The following ZNF385B variants were observed in gnomAD, a reference collection of about 807,000 sequenced individuals.
ZNF385B encodes zinc finger protein 385B.
A neutral mutation model predicts 39.2 loss-of-function variants in ZNF385B; 23 were observed. That is an observed-to-expected ratio of 0.59 (90% CI 0.42 to 0.83). ZNF385B has a LOEUF of 0.83. Among genes scored for constraint, ZNF385B ranks in the 40% least tolerant of loss-of-function variants. The pLI, the probability that ZNF385B is intolerant of heterozygous loss-of-function variation, is 0.00. For synonymous variants in ZNF385B, 205 were observed against 222.6 expected, an observed-to-expected ratio of 0.92 and a Z score of 0.70; for missense variants, 552 against 598.9, an observed-to-expected ratio of 0.92 and a Z score of 0.82.
intron 4 of ZNF385B, among the ~76,000 whole-genome samples, chr2:179,544,458 T>C (rs989869936): frequency 6.6e-6 from 1 of 152,156 alleles, no homozygotes; most frequent in Non-Finnish European, 1.5e-5. Context: ...CATTTTTTTT[T>C]TTCTAAGAGA....
chr2:179,722,622 G>A (rs1369648297), intron 3 of ZNF385B, among the ~76,000 whole-genome samples: 2 of 152,046 alleles, frequency 1.3e-5, no homozygotes, highest in Non-Finnish European at 2.9e-5. Flanking sequence ...TATAGCAATT[G>A]TAGATTAATA....
chr2:179,621,442 CA>C (rs1284502098), intron 3 of ZNF385B, among the ~76,000 whole-genome samples: 1 of 152,180 alleles, frequency 6.6e-6, no homozygotes, highest in Non-Finnish European at 1.5e-5. Flanking sequence ...TAAATGTTAA[CA>C]ACAAAGTATT....
At chr2:179,614,192 C>T (rs79273636) in intron 3 of ZNF385B, among the ~76,000 whole-genome samples, 4 of 152,246 alleles carry the variant, frequency 2.6e-5, no homozygotes, top group East Asian at 1.9e-4. Context: ...GATCACTCCC[C>T]GGATTTTTTG....
chr2:179,519,547 A>G (rs1203301125), intron 4 of ZNF385B, among the ~76,000 whole-genome samples: 6 of 152,224 alleles, frequency 3.9e-5, no homozygotes, highest in Admixed American at 6.5e-5. Context: ...TCCAACAGAA[A>G]AAGTATGGCA....
chr2:179,460,848 C>T (rs1320584556), intron 6 of ZNF385B, among the ~76,000 whole-genome samples: 1 of 152,136 alleles, frequency 6.6e-6, no homozygotes, highest in Non-Finnish European at 1.5e-5. Context: ...AAAACTCTAA[C>T]CTCCAAGCTT....
chr2:179,613,039 C>T (rs1367607771), intron 3 of ZNF385B, among the ~76,000 whole-genome samples: 5 of 152,206 alleles, frequency 3.3e-5, no homozygotes, highest in African/African-American at 9.6e-5. Context: ...CAACAAGTAT[C>T]GGCTGGCTAC....
chr2:179,509,976 C>G (rs1019171755), intron 5 of ZNF385B, among the ~76,000 whole-genome samples: 1 of 152,136 alleles, frequency 6.6e-6, no homozygotes, highest in Non-Finnish European at 1.5e-5. Flanking sequence ...ACTTCCTTGG[C>G]TTATTTAGGT....
intron 3 of ZNF385B, among the ~76,000 whole-genome samples, chr2:179,686,285 G>A (rs1697920691): frequency 6.6e-6 from 1 of 152,210 alleles, no homozygotes; most frequent in African/African-American, 2.4e-5. Context: ...GTGTCACTGA[G>A]CTGTGGTCTT....
At chr2:179,732,514 T>C (rs185442349) in intron 3 of ZNF385B, among the ~76,000 whole-genome samples, 1 of 152,300 alleles carries the variant, frequency 6.6e-6, no homozygotes, top group South Asian at 2.1e-4. Flanking sequence ...AGCTAGATAA[T>C]CAATAGTCAG....
chr2:179,739,763 G>A (rs930235300), intron 3 of ZNF385B, among the ~76,000 whole-genome samples: 14 of 152,050 alleles, frequency 9.2e-5, no homozygotes, highest in African/African-American at 3.4e-4. Context: ...TGTAGCTGAA[G>A]CAAGTGATAA....
At chr2:179,792,375 C>CTTTTTTTTTTTTTTTTTTTTTT (rs374147864) in intron 1 of ZNF385B, among the ~76,000 whole-genome samples, 3 of 124,106 alleles carry the variant, frequency 2.4e-5, no homozygotes, top group Non-Finnish European at 3.3e-5. Flanking sequence ...ATTTTCTTTT[C>CTTTTTTTTTTTTTTTTTTTTTT]TTTTTTTTTT....
chr2:179,677,932 A>T (rs1697069815), intron 3 of ZNF385B, among the ~76,000 whole-genome samples: 1 of 152,190 alleles, frequency 6.6e-6, no homozygotes, highest in Non-Finnish European at 1.5e-5. Context: ...ATTGTGTAAT[A>T]ATCTGAGCAG....
chr2:179,649,595 C>G (rs1025077705), intron 3 of ZNF385B, among the ~76,000 whole-genome samples: 4 of 151,930 alleles, frequency 2.6e-5, no homozygotes, highest in Admixed American at 6.6e-5. Context: ...AGATGATACA[C>G]CAGATATAGT....
At chr2:179,836,135 G>A (rs936821549) in intron 1 of ZNF385B, among the ~76,000 whole-genome samples, 20 of 152,190 alleles carry the variant, frequency 1.3e-4, no homozygotes, top group Non-Finnish European at 2.1e-4. Flanking sequence ...TTCCACTTAC[G>A]TGAGGTTTCT....
At chr2:179,583,551 G>C (rs1352144542) in intron 3 of ZNF385B, among the ~76,000 whole-genome samples, 1 of 152,058 alleles carries the variant, frequency 6.6e-6, no homozygotes, top group African/African-American at 2.4e-5. Flanking sequence ...AGGGTTATAT[G>C]GCTCAGTTTT....
intron 1 of ZNF385B, among the ~76,000 whole-genome samples, chr2:179,839,597 C>T (rs1020493817): frequency 2.0e-5 from 3 of 152,150 alleles, no homozygotes; most frequent in Non-Finnish European, 2.9e-5. Flanking sequence ...CAGACGGCCA[C>T]CTATATAAGT....
intron 3 of ZNF385B, among the ~76,000 whole-genome samples, chr2:179,576,686 T>C (rs1685860333): frequency 1.3e-5 from 2 of 152,186 alleles, no homozygotes; most frequent in South Asian, 4.1e-4. Context: ...AATTTGAACA[T>C]GATTCATAAA....
intron 3 of ZNF385B, among the ~76,000 whole-genome samples, chr2:179,707,217 GT>G (rs1699670575): frequency 1.3e-5 from 2 of 152,188 alleles, no homozygotes; most frequent in Admixed American, 1.3e-4. Flanking sequence ...TGCGAAATAG[GT>G]TCAGGAAGAA....
intron 3 of ZNF385B, among the ~76,000 whole-genome samples, chr2:179,743,702 G>A (rs953696540): frequency 6.6e-6 from 1 of 152,140 alleles, no homozygotes; most frequent in African/African-American, 2.4e-5. Context: ...CTGATAGAAA[G>A]AGAAGGTTAA....
Sources: allele counts gnomAD v4.1 joint callset (sites outside exome capture counted in the v4.1 genomes callset), GRCh38; gene constraint gnomAD v4.1.1; transcripts MANE v1.5; gene names NCBI Gene and HGNC (gene_info 2026-07-23, HGNC 2026-07-21).